The following TSHZ3 variants were observed in gnomAD, a reference collection of about 807,000 sequenced individuals.
TSHZ3 encodes teashirt zinc finger homeobox 3, also known as teashirt homolog 3.
In TSHZ3, 10 loss-of-function variants were observed where a neutral mutation model predicts 64.5. The ratio of observed to expected loss-of-function variants is 0.16; its 90% CI spans 0.10 to 0.26. TSHZ3 has a LOEUF of 0.26. TSHZ3 is among the 10% of genes least tolerant of loss of function. The pLI is 1.00. For missense variants in TSHZ3, 1,242 were observed against 1,421.7 expected (o/e 0.87, Z 2.03); for synonymous variants, 608 against 593.1 (o/e 1.03, Z -0.36).
chr19:31,340,526 G>A (rs1406748406), intron 1 of TSHZ3, among the ~76,000 whole-genome samples: 1 of 150,384 alleles, frequency 6.6e-6, no homozygotes, highest in Admixed American at 6.6e-5. Flanking sequence ...TGGGCGGCGG[G>A]CAGGGAGGAG....
chr19:31,263,930 G>A lies in TSHZ3; in HGVS notation n.64-21055C>T, dbSNP rs1976015746. Among the ~76,000 whole-genome samples the A allele has an allele frequency of 2.0e-5, 3 of 152,202 alleles. No individual in the cohort carries two copies. In the South Asian group the frequency reaches 6.2e-4, roughly 31 times the overall value. ...GGGTAGCAGAAACAGTGGGGGAGGA[G>A]GGGGAGGCCCATAGCTCCAGCCTTG... On this transcript the variant is annotated intron_variant and non_coding_transcript_variant, in intron 1 of 6. Transcript: ENST00000651361.
intron 1 of TSHZ3, among the ~76,000 whole-genome samples, chr19:31,329,624 A>G (rs927293837): frequency 3.9e-5 from 6 of 152,222 alleles, no homozygotes; most frequent in African/African-American, 1.4e-4. Flanking sequence ...CTACCAATAA[A>G]AATGAACCAC....
At chr19:31,180,242 T>C (rs769658628) in intron 5 of TSHZ3, among the ~76,000 whole-genome samples, 37 of 152,080 alleles carry the variant, frequency 2.4e-4, no homozygotes, top group Non-Finnish European at 2.5e-4. Flanking sequence ...AATGAATGAA[T>C]GAATGAACGA....
chr19:31,245,750 C>T, intron 1 of TSHZ3, among the ~76,000 whole-genome samples: 1 of 152,162 alleles, frequency 6.6e-6, no homozygotes, highest in East Asian at 1.9e-4. Flanking sequence ...AGAGTGCATT[C>T]CCTGCCTCTG....
intron 4 of TSHZ3, among the ~76,000 whole-genome samples, chr19:31,220,464 T>G (rs1369899271): frequency 6.6e-6 from 1 of 152,222 alleles, no homozygotes; most frequent in Non-Finnish European, 1.5e-5. Flanking sequence ...ATATGTATTT[T>G]GGGTCTCATC....
intron 5 of TSHZ3, among the ~76,000 whole-genome samples, chr19:31,198,264 C>G (rs186518856): frequency 1.3e-5 from 2 of 152,048 alleles, no homozygotes; most frequent in African/African-American, 4.8e-5. Flanking sequence ...ATGATAAAAA[C>G]TATCAGTAAA....
intron 3 of TSHZ3, among the ~76,000 whole-genome samples, chr19:31,228,259 C>G (rs1975496263): frequency 6.6e-6 from 1 of 152,114 alleles, no homozygotes; most frequent in Non-Finnish European, 1.5e-5. Flanking sequence ...GGTGTGGTGG[C>G]TCACACCTGT....
downstream of TSHZ3, among the ~76,000 whole-genome samples, chr19:31,272,080 T>G (rs1976150018): frequency 6.6e-6 from 1 of 152,170 alleles, no homozygotes; most frequent in Non-Finnish European, 1.5e-5. Flanking sequence ...TAAAAAAATT[T>G]TTTTTATTAG....
chr19:31,220,676 A>G (rs1248071593), intron 4 of TSHZ3, among the ~76,000 whole-genome samples: 1 of 152,172 alleles, frequency 6.6e-6, no homozygotes, highest in Non-Finnish European at 1.5e-5. Context: ...GTAAGGAAGG[A>G]TGATCACAGG....
intron 4 of TSHZ3, among the ~76,000 whole-genome samples, chr19:31,221,017 A>G (rs1186675543): frequency 2.6e-5 from 4 of 152,244 alleles, no homozygotes; most frequent in East Asian, 1.9e-4. Context: ...AATGTTTATT[A>G]TCACCAGCAG....
At chr19:31,236,809 T>C (rs1173225106) in intron 3 of TSHZ3, among the ~76,000 whole-genome samples, 1 of 152,140 alleles carries the variant, frequency 6.6e-6, no homozygotes, top group African/African-American at 2.4e-5. Flanking sequence ...GAAGGGCAAG[T>C]AATAGGTAGA....
At chr19:31,189,423 A>C (rs1974866462) in intron 5 of TSHZ3, among the ~76,000 whole-genome samples, 1 of 151,928 alleles carries the variant, frequency 6.6e-6, no homozygotes, top group South Asian at 2.1e-4. Flanking sequence ...CCTAAAATTT[A>C]ATAGGTTGTA....
chr19:31,288,942 T>C (rs1371417513), intron 1 of TSHZ3, among the ~76,000 whole-genome samples: 2 of 152,306 alleles, frequency 1.3e-5, no homozygotes, highest in Admixed American at 1.3e-4. Context: ...ATTAGTCCTG[T>C]GGCTGTGATG....
Position 31,323,261 on chromosome 19 carries a change from A to C in TSHZ3, c.40+25919T>G, listed in dbSNP as rs73927345. On this transcript the variant is annotated intron_variant, in intron 1 of 1. Transcript: ENST00000240587. The stretch of plus-strand genomic sequence containing the variant: ...TCACCCAGGAGCATGCTGCCACCGT[A>C]GATCCCTGAGTTCCACAGAGTAGCC... Among the ~76,000 whole-genome samples, 1,427 of 152,344 alleles carry C rather than the reference A, an allele frequency of 9.4e-3. 21 individuals carry two copies. The highest frequency in any genetic ancestry group is 0.032 in the African/African-American group (1,317 of 41,576).
At chr19:31,172,117 C>A (rs1003862579) in intron 5 of TSHZ3, among the ~76,000 whole-genome samples, 4 of 152,146 alleles carry the variant, frequency 2.6e-5, no homozygotes, top group South Asian at 4.1e-4. Flanking sequence ...CATGTCCCAC[C>A]CTCAGCTACC....
At chr19:31,164,640 C>G (rs1188880414) in intron 5 of TSHZ3, among the ~76,000 whole-genome samples, 1 of 152,166 alleles carries the variant, frequency 6.6e-6, no homozygotes, top group Non-Finnish European at 1.5e-5. Flanking sequence ...ACACCGACCT[C>G]TCTGGACCTC....
At chr19:31,157,834 T>A (rs1000666865) in intron 5 of TSHZ3, among the ~76,000 whole-genome samples, 5 of 152,114 alleles carry the variant, frequency 3.3e-5, no homozygotes, top group Admixed American at 6.5e-5. Flanking sequence ...TATAACAACA[T>A]TATGCTCCCA....
At chr19:31,233,724 G>A (rs1469415153) in intron 3 of TSHZ3, among the ~76,000 whole-genome samples, 5 of 152,016 alleles carry the variant, frequency 3.3e-5, no homozygotes, top group Non-Finnish European at 7.4e-5. Context: ...ATTATGCTCC[G>A]AACCTACGAC....
upstream of TSHZ3, among the ~76,000 whole-genome samples, chr19:31,350,582 G>C (rs975120897): frequency 2.8e-3 from 429 of 151,708 alleles, 4 homozygotes; most frequent in African/African-American, 0.01. Flanking sequence ...CCGGCCTGCC[G>C]GGGCTGCTGG....
Sources: gnomAD v4.1 joint callset for allele counts (sites outside exome capture counted in the v4.1 genomes callset) on GRCh38, gnomAD v4.1.1 for gene constraint, MANE v1.5 for transcripts, NCBI Gene and HGNC (gene_info 2026-07-23, HGNC 2026-07-21) for gene names.